Variants in ATRNL1 observed in about 807,000 individuals in gnomAD.
ATRNL1 encodes attractin like 1, also known as attractin-like protein 1.
In ATRNL1, 95 loss-of-function variants were observed where a neutral mutation model predicts 182.7. That is an observed-to-expected ratio of 0.52 (90% CI 0.44 to 0.62). The LOEUF (loss-of-function observed/expected upper bound fraction) is 0.62, where lower values mean the gene tolerates loss of function less well. ATRNL1 is among the 20% of genes least tolerant of loss of function. The pLI is 0.00. For missense variants in ATRNL1, 1,471 were observed against 1,679.5 expected, an observed-to-expected ratio of 0.88 and a Z score of 2.17; for synonymous variants, 576 against 568.3, an observed-to-expected ratio of 1.01 and a Z score of -0.19.
At chr10:115,146,834 A>C (rs1379428491) in intron 5 of ATRNL1, among the ~76,000 whole-genome samples, 1 of 147,742 alleles carries the variant, frequency 6.8e-6, no homozygotes, top group Non-Finnish European at 1.5e-5. Context: ...CTAGCGTTCC[A>C]TTATGTATAT....
intron 26 of ATRNL1, among the ~76,000 whole-genome samples, chr10:115,717,308 AG>A (rs1293663036): frequency 1.3e-5 from 2 of 152,164 alleles, no homozygotes; most frequent in Admixed American, 6.5e-5. Context: ...AGATATACAA[AG>A]AAAATTATGT....
chr10:115,547,495 A>G (rs1554994128), intron 25 of ATRNL1, among the ~76,000 whole-genome samples: 1 of 151,982 alleles, frequency 6.6e-6, no homozygotes, highest in African/African-American at 2.4e-5. Context: ...GTAAAGATGC[A>G]GATTTGGAAA....
chr10:115,582,759 A>C (rs1555008140), intron 26 of ATRNL1, among the ~76,000 whole-genome samples: 1 of 149,026 alleles, frequency 6.7e-6, no homozygotes, highest in African/African-American at 2.4e-5. Context: ...ATTAGATCCC[A>C]TTTGTCAATT....
chr10:115,899,606 C>A (rs1952300495), intron 28 of ATRNL1, among the ~76,000 whole-genome samples: 1 of 152,084 alleles, frequency 6.6e-6, no homozygotes, highest in Non-Finnish European at 1.5e-5. Flanking sequence ...CTGTGCCAGG[C>A]CCATTATATG....
chr10:115,282,894 A>G (rs782134443), intron 14 of ATRNL1, among the ~76,000 whole-genome samples: 27 of 151,680 alleles, frequency 1.8e-4, no homozygotes, highest in Non-Finnish European at 3.5e-4. Context: ...AGGTATACAC[A>G]TGCCATGGTG....
chr10:115,940,431 G>A (rs1555123942), intron 28 of ATRNL1, among the ~76,000 whole-genome samples: 1 of 152,192 alleles, frequency 6.6e-6, no homozygotes, highest in African/African-American at 2.4e-5. Context: ...GGTTATTGCA[G>A]ATTATAGCTC....
chr10:115,194,859 G>C (rs1564811235), intron 8 of ATRNL1, among the ~76,000 whole-genome samples: 5 of 146,404 alleles, frequency 3.4e-5, no homozygotes, highest in South Asian at 2.1e-4. Flanking sequence ...TCTGTTTTAG[G>C]TTTTTGTTTT....
intron 24 of ATRNL1, among the ~76,000 whole-genome samples, chr10:115,479,652 CAG>C (rs1554973777): frequency 6.6e-6 from 1 of 151,242 alleles, no homozygotes; most frequent in African/African-American, 2.4e-5. Context: ...AGTAATTAAA[CAG>C]GGAAAAAATC....
At chr10:115,449,251 G>T (rs1451573606) in intron 21 of ATRNL1, among the ~76,000 whole-genome samples, 1 of 152,196 alleles carries the variant, frequency 6.6e-6, no homozygotes, top group Non-Finnish European at 1.5e-5. Flanking sequence ...GAGAAGAGAA[G>T]AAGCAGCCAG....
intron 13 of ATRNL1, among the ~76,000 whole-genome samples, chr10:115,272,070 C>T (rs1851891936): frequency 6.6e-6 from 1 of 152,200 alleles, no homozygotes; most frequent in Non-Finnish European, 1.5e-5. Context: ...GAGATGCTTA[C>T]TGCCACTTTG....
intron 26 of ATRNL1, among the ~76,000 whole-genome samples, chr10:115,583,617 C>G (rs1215507886): frequency 1.4e-5 from 2 of 139,044 alleles, no homozygotes; most frequent in Non-Finnish European, 3.2e-5. Flanking sequence ...TGAAACTTCG[C>G]TGAAGTTGCT....
rs1337775906 is a variant in ATRNL1 at position 115,518,543 on chromosome 10, A to G, written c.3655-720A>G. Among the ~76,000 whole-genome samples the G allele has an allele frequency of 2.0e-5, 3 of 151,924 alleles. No homozygotes were observed. The East Asian group carries it at 5.8e-4, about 29-fold the overall frequency. On this transcript the variant is annotated intron_variant, in intron 24 of 28. Transcript: ENST00000355044. The stretch of plus-strand genomic sequence containing the variant: ...TTTCTATTCAGTTAGATTTTCTATA[A>G]CATTATAAGGTAGATGCTTTTATTA...
intron 19 of ATRNL1, among the ~76,000 whole-genome samples, chr10:115,389,542 A>ATATATATATATATATG (rs1564989772): frequency 0.044 from 453 of 10,256 alleles, 79 homozygotes; most frequent in Middle Eastern, 0.12. Flanking sequence ...GTGTATGTGT[A>ATATATATATATATATG]TATATATATA....
At chr10:115,799,454 A>G (rs1555083828) in intron 27 of ATRNL1, among the ~76,000 whole-genome samples, 2 of 152,176 alleles carry the variant, frequency 1.3e-5, no homozygotes, top group Non-Finnish European at 2.9e-5. Context: ...TATTTCAGGA[A>G]ACAGAGAGGT....
At chr10:115,223,939 T>A (rs1849590340) in intron 9 of ATRNL1, among the ~76,000 whole-genome samples, 12 of 111,618 alleles carry the variant, frequency 1.1e-4, no homozygotes, top group African/African-American at 4.9e-4. Context: ...ATTTTTTTTT[T>A]TTTTTTTTTT....
At chr10:115,445,292 T>A (rs1319524960) in intron 21 of ATRNL1, among the ~76,000 whole-genome samples, 2 of 150,586 alleles carry the variant, frequency 1.3e-5, no homozygotes, top group Non-Finnish European at 3.0e-5. Context: ...ATTAGCAGGA[T>A]GTGGGGGCAC....
At chr10:115,867,964 A>T (rs1360277281) in intron 28 of ATRNL1, among the ~76,000 whole-genome samples, 1 of 152,044 alleles carries the variant, frequency 6.6e-6, no homozygotes, top group Non-Finnish European at 1.5e-5. Context: ...GGGTTTTGCC[A>T]TGTTGGTGAG....
At chr10:115,504,153 T>G (rs1017332160) in intron 24 of ATRNL1, among the ~76,000 whole-genome samples, 4 of 152,040 alleles carry the variant, frequency 2.6e-5, no homozygotes, top group African/African-American at 9.6e-5. Flanking sequence ...TACATTTACC[T>G]AATTATTTTC....
chr10:115,694,920 C>T (rs995588809), intron 26 of ATRNL1, among the ~76,000 whole-genome samples: 10 of 119,284 alleles, frequency 8.4e-5, no homozygotes, highest in Non-Finnish European at 1.7e-4. Flanking sequence ...ATCACACACA[C>T]ACACACACAC....
Sources: gnomAD v4.1 joint callset for allele counts (sites outside exome capture counted in the v4.1 genomes callset) on GRCh38, gnomAD v4.1.1 for gene constraint, MANE v1.5 for transcripts, NCBI Gene and HGNC (gene_info 2026-07-23, HGNC 2026-07-21) for gene names.